CHD1L: variants seen among roughly 807,000 people sequenced by gnomAD.
CHD1L encodes the protein chromodomain helicase DNA binding protein 1 like, also known as ATP-dependent chromatin remodeler CHD1L.
A neutral mutation model predicts 115.9 loss-of-function variants in CHD1L; 118 were observed. That is an observed-to-expected ratio of 1.02 (90% CI 0.88 to 1.19). CHD1L has a LOEUF of 1.19. CHD1L is among the 50% of genes most tolerant of loss of function. CHD1L has a pLI of 0.00. For missense variants in CHD1L, 1,179 were observed against 1,065.3 expected, an observed-to-expected ratio of 1.11 and a Z score of -1.49; for synonymous variants, 411 against 387.1, an observed-to-expected ratio of 1.06 and a Z score of -0.72.
rs1683127060 is a variant in CHD1L at position 147,286,343 on chromosome 1, C to G, written c.2064C>G (p.Pro688=). The G allele has an allele frequency of 7.4e-6, 12 of 1,614,144 alleles. No individual in the cohort carries two copies. Among genetic ancestry groups the G allele is most frequent in the Admixed American group, 1.7e-5 (1 of 60,032 alleles). The change falls in exon 18 of 23, where the codon CCC becomes CCG. Residue 688 remains proline, a synonymous_variant. Coordinates refer to ENST00000369258, the MANE Select transcript of CHD1L (RefSeq NM_004284.6). The part of the protein sequence containing the change: ...ESNNYQSFCL[P]SEESEPEDLE... ...ACAATTACCAGTCCTTCTGCCTGCC[C>G]TCTGAGGAGAGCGAGCCAGAGGACC...
At chr1:147,280,634 T>C (rs1254091091) in intron 15 of CHD1L, among the ~76,000 whole-genome samples, 1 of 152,214 alleles carries the variant, frequency 6.6e-6, no homozygotes, top group Non-Finnish European at 1.5e-5. Flanking sequence ...GCGGACTTTG[T>C]CATGTGCTTT....
At position 147,276,193 on chromosome 1, in the gene CHD1L, T is replaced by C. The variant is rs1553957763; in HGVS notation, c.1475T>C (p.Met492Thr). ...KAASKLQLTNMIIEGGHFTLG... is the reference protein window; with the variant it reads ...KAASKLQLTNTIIEGGHFTLG... The stretch of plus-strand genomic sequence containing the variant: ...GCCTCCAAACTGCAGCTCACCAACA[T>C]GATCATAGAAGGAGGCCATTTTACT... Residue 492 changes from methionine to threonine, a missense_variant, in exon 14 of 23, where the codon ATG becomes ACG. Coordinates refer to ENST00000369258, the MANE Select transcript of CHD1L (RefSeq NM_004284.6). 6.2e-7 allele frequency: 1 copy of C among 1,614,202 alleles called. No homozygotes were observed. Among genetic ancestry groups the C allele is most frequent in the South Asian group, 1.1e-5 (1 of 91,082 alleles).
chr1:147,220,785 T>C, the CHD1L span, among the ~76,000 whole-genome samples: 1 of 152,106 alleles, frequency 6.6e-6, no homozygotes, highest in East Asian at 1.9e-4. Context: ...CAATTTATCC[T>C]TGTAACAAAC....
rs587663444 is a variant in CHD1L at position 147,262,150 on chromosome 1, T to G, written c.576+2232T>G. Among the ~76,000 whole-genome samples, 257 of 146,904 alleles carry G rather than the reference T, an allele frequency of 1.7e-3. 2 individuals carry two copies. The highest frequency in any genetic ancestry group is 6.3e-3 in the African/African-American group (249 of 39,448). Reference sequence around the variant, plus strand: ...GATGGAGCTGGCAGTGAGCCGAGATTGCGCCACTGCACTCCAGCCTGGGCG... The same window carrying G: ...GATGGAGCTGGCAGTGAGCCGAGATGGCGCCACTGCACTCCAGCCTGGGCG... On this transcript the variant is annotated intron_variant, in intron 6 of 22. Coordinates refer to ENST00000369258, the MANE Select transcript of CHD1L (RefSeq NM_004284.6).
intron 16 of CHD1L, among the ~76,000 whole-genome samples, chr1:147,284,726 G>A (rs942808718): frequency 6.6e-6 from 1 of 152,164 alleles, no homozygotes; most frequent in African/African-American, 2.4e-5. Context: ...TGTCATGTAG[G>A]TGAAAGCAGC....
the CHD1L span, among the ~76,000 whole-genome samples, chr1:147,176,760 G>GTA: frequency 3.3e-5 from 5 of 151,912 alleles, no homozygotes; most frequent in Non-Finnish European, 7.4e-5. Context: ...TATTAATTTG[G>GTA]TACAAATAGG....
the CHD1L span, among the ~76,000 whole-genome samples, chr1:147,219,966 G>A: frequency 6.6e-6 from 1 of 151,786 alleles, no homozygotes; most frequent in Non-Finnish European, 1.5e-5. Context: ...AGCCTCCGGA[G>A]TAACTGGGAC....
chr1:147,238,000 G>C (rs1396893174), upstream of CHD1L, among the ~76,000 whole-genome samples: 1 of 152,122 alleles, frequency 6.6e-6, no homozygotes, highest in African/African-American at 2.4e-5. Flanking sequence ...AGGTGACTGG[G>C]CAAGAGTCCT....
chr1:147,223,832 T>C, the CHD1L span: 3 of 299,198 alleles, frequency 1.0e-5, no homozygotes, highest in South Asian at 3.0e-5. Context: ...AAACAGCTAC[T>C]GACTGCTTAC....
chr1:147,278,832 A>G (rs782262270), intron 14 of CHD1L, among the ~76,000 whole-genome samples: 1 of 152,194 alleles, frequency 6.6e-6, no homozygotes, highest in African/African-American at 2.4e-5. Context: ...ATTCAGATTT[A>G]GGATTCCAAT....
rs146350989 is a variant in CHD1L at position 147,270,172 on chromosome 1, C to T, written c.1086-760C>T. Among the ~76,000 whole-genome samples, 92 of 152,272 alleles carry T rather than the reference C, an allele frequency of 6.0e-4. 1 individual carries two copies. The highest frequency in any genetic ancestry group is 2.1e-3 in the African/African-American group (87 of 41,552). The stretch of plus-strand genomic sequence containing the variant: ...TTTTTCCTCTTACACTTGTTGCAAG[C>T]TCAGATTAAATAAGTTTTTATAATG... On this transcript the variant is annotated intron_variant, in intron 10 of 22. Coordinates refer to ENST00000369258, the MANE Select transcript of CHD1L (RefSeq NM_004284.6).
chr1:147,177,607 G>A, the CHD1L span, among the ~76,000 whole-genome samples: 3,427 of 152,290 alleles, frequency 0.023, 69 homozygotes, highest in Non-Finnish European at 0.034. Flanking sequence ...GATATGATAT[G>A]ATGAGAATAG....
intron 5 of CHD1L, among the ~76,000 whole-genome samples, chr1:147,256,822 A>G (rs1670319658): frequency 6.6e-6 from 1 of 152,204 alleles, no homozygotes; most frequent in Admixed American, 6.5e-5. Context: ...CTTACCTCAA[A>G]TAGCTGTTAC....
chr1:147,264,738 A>G, intron 7 of CHD1L, 154 bp downstream of exon 7: 1 of 717,924 alleles, frequency 1.4e-6, no homozygotes, highest in Admixed American at 3.1e-5. Flanking sequence ...GTTAAGTCAC[A>G]CATGTTGTTC....
At chr1:147,190,196 G>C in the CHD1L span, 1 of 1,610,060 alleles carries the variant, frequency 6.2e-7, no homozygotes, top group East Asian at 2.2e-5. Context: ...ATTTCCTCTT[G>C]AGCTTTAGAT....
chr1:147,199,348 T>TA, the CHD1L span, among the ~76,000 whole-genome samples: 1 of 152,126 alleles, frequency 6.6e-6, no homozygotes, highest in Non-Finnish European at 1.5e-5. Flanking sequence ...ATGGACAGAA[T>TA]AAAAAACCCA....
At chr1:147,294,360 T>A in intron 21 of CHD1L, 49 bp from the exon 22 acceptor site, 1 of 1,344,830 alleles carries the variant, frequency 7.4e-7, no homozygotes, top group Non-Finnish European at 1.0e-6. Flanking sequence ...TTTATACCCA[T>A]CAATCAATTT....
At chr1:147,267,922 A>T (rs782409003) in intron 9 of CHD1L, among the ~76,000 whole-genome samples, 4 of 152,012 alleles carry the variant, frequency 2.6e-5, no homozygotes, top group Non-Finnish European at 5.9e-5. Flanking sequence ...TAGATTTCCC[A>T]TTGTCTTGAA....
At chr1:147,176,644 A>G in the CHD1L span, among the ~76,000 whole-genome samples, 1 of 152,194 alleles carries the variant, frequency 6.6e-6, no homozygotes, top group South Asian at 2.1e-4. Context: ...CTAAATATTC[A>G]CTGCAAATTT....
Sources: allele counts gnomAD v4.1 joint callset (sites outside exome capture counted in the v4.1 genomes callset), GRCh38; gene constraint gnomAD v4.1.1; transcripts MANE v1.5; gene names NCBI Gene and HGNC (gene_info 2026-07-23, HGNC 2026-07-21).